Variants in CDK17 observed in about 807,000 individuals in gnomAD.
CDK17 encodes the protein cyclin dependent kinase 17, also known as cyclin-dependent kinase 17.
In CDK17, 24 loss-of-function variants were observed where a neutral mutation model predicts 77.6. The observed-to-expected ratio is 0.31, with a 90% CI of 0.22 to 0.44. The LOEUF (loss-of-function observed/expected upper bound fraction) is 0.44. Ranked by LOEUF, CDK17 falls within the 20% of genes least tolerant of loss-of-function variation. CDK17 has a pLI of 1.00. For missense variants in CDK17, 429 were observed against 622.5 expected (o/e 0.69, Z 3.31); for synonymous variants, 203 against 210.4 (o/e 0.96, Z 0.30).
chr12:96,361,337 A>C (rs1475947848), intron 1 of CDK17, among the ~76,000 whole-genome samples: 1 of 152,228 alleles, frequency 6.6e-6, no homozygotes, highest in African/African-American at 2.4e-5. Context: ...AAAAAGGAGA[A>C]AAGTCCTTTG....
chr12:96,391,466 T>TA (rs1555208288), intron 1 of CDK17, among the ~76,000 whole-genome samples: 2 of 143,448 alleles, frequency 1.4e-5, no homozygotes, highest in Admixed American at 1.4e-4. Context: ...ATTTTTTGTA[T>TA]TTTTAGTAGA....
At position 96,308,229 on chromosome 12, in the gene CDK17, T is replaced by TAAAAAAAAAAAAAAAA. The variant is rs61572243; in HGVS notation, c.543+2807_543+2822dup. ...GGGCAACACAGTGAGATGCCATCTC[T>TAAAAAAAAAAAAAAAA]AAAAAAAAAAAAAAAAAAAAAAAGT... On this transcript the variant is annotated intron_variant, in intron 5 of 16. Transcript: ENST00000261211. 6.9e-4 allele frequency among the ~76,000 whole-genome samples: 44 copies of TAAAAAAAAAAAAAAAA among 63,748 alleles called. 1 individual carries two copies. Among genetic ancestry groups the TAAAAAAAAAAAAAAAA allele is most frequent in the African/African-American group, 1.1e-3 (19 of 17,296 alleles). 41.8% of individuals were successfully genotyped at this position (63,748 alleles called of 152,430 possible).
intron 1 of CDK17, among the ~76,000 whole-genome samples, chr12:96,351,379 A>G (rs1953311374): frequency 6.6e-6 from 1 of 152,164 alleles, no homozygotes; most frequent in East Asian, 1.9e-4. Flanking sequence ...TGTTAATGGC[A>G]GCATTATTCA....
Position 96,300,187 on chromosome 12 carries a change from A to C in CDK17, c.600+117T>G, listed in dbSNP as rs12230179. On this transcript the variant is annotated intron_variant, in intron 6 of 16. Coordinates refer to ENST00000261211, the MANE Select transcript of CDK17 (RefSeq NM_002595.5). ...TGTTACCTTTCCAGAACAAGTATATAATCTTGTAGACATCAGTACTTACGT... is the reference window on the plus strand; with the variant it reads ...TGTTACCTTTCCAGAACAAGTATATCATCTTGTAGACATCAGTACTTACGT... 4 of 708,358 alleles carry C rather than the reference A, an allele frequency of 5.6e-6. No homozygotes were observed. In the Admixed American group the frequency reaches 7.9e-5, roughly 14 times the overall value. The allele number at this position is 708,358 out of a possible 1,614,324, so 43.9% of individuals were successfully genotyped here. A position where few individuals can be genotyped will look rare whatever the true frequency, so the allele number is the denominator to read the frequency against.
At chr12:96,290,140 C>G (rs1952305235) in intron 10 of CDK17, among the ~76,000 whole-genome samples, 1 of 152,206 alleles carries the variant, frequency 6.6e-6, no homozygotes, top group Non-Finnish European at 1.5e-5. Flanking sequence ...ATGGGTTGGA[C>G]AAGCTTGCTG....
intron 15 of CDK17, 102 bp downstream of exon 15, chr12:96,282,407 A>C (rs1463941142): frequency 2.8e-6 from 2 of 721,728 alleles, no homozygotes; most frequent in Non-Finnish European, 4.9e-6. Flanking sequence ...GAAGACTAGA[A>C]TCTTAGGCTT....
intron 10 of CDK17, among the ~76,000 whole-genome samples, chr12:96,291,480 C>G (rs1952323851): frequency 6.6e-6 from 1 of 152,020 alleles, no homozygotes; most frequent in Non-Finnish European, 1.5e-5. Context: ...TTTATAGAGG[C>G]AGGTTTTTGC....
intron 1 of CDK17, among the ~76,000 whole-genome samples, chr12:96,371,312 A>C (rs371009668): frequency 1.3e-5 from 2 of 152,214 alleles, no homozygotes; most frequent in African/African-American, 4.8e-5. Context: ...ACTTCACCAC[A>C]TGGTGACATA....
intron 2 of CDK17, among the ~76,000 whole-genome samples, chr12:96,330,891 G>A (rs1592732929): frequency 6.6e-6 from 1 of 152,164 alleles, no homozygotes; most frequent in Non-Finnish European, 1.5e-5. Context: ...GGGTCATATA[G>A]TAAGTCTATG....
At chr12:96,298,798 C>A (rs1286007887) in intron 7 of CDK17, 71 bp downstream of exon 7, 2 of 833,156 alleles carry the variant, frequency 2.4e-6, no homozygotes, top group Non-Finnish European at 3.8e-6. Flanking sequence ...TATCTGAGCT[C>A]TTTTTACTTA....
At chr12:96,369,883 A>G (rs1953663213) in intron 1 of CDK17, among the ~76,000 whole-genome samples, 1 of 152,234 alleles carries the variant, frequency 6.6e-6, no homozygotes, top group African/African-American at 2.4e-5. Flanking sequence ...GTTCAAGACC[A>G]GCCTGACCAA....
chr12:96,332,172 TA>T (rs1374131901), intron 2 of CDK17, among the ~76,000 whole-genome samples: 1 of 152,198 alleles, frequency 6.6e-6, no homozygotes, highest in African/African-American at 2.4e-5. Context: ...AGCCTATAAG[TA>T]ACAGGTTGTA....
At chr12:96,361,465 A>G (rs556705329) in intron 1 of CDK17, among the ~76,000 whole-genome samples, 1 of 152,366 alleles carries the variant, frequency 6.6e-6, no homozygotes, top group South Asian at 2.1e-4. Flanking sequence ...CTCGCAAAGC[A>G]GTTTCAATGG....
intron 7 of CDK17, 108 bp from the exon 8 acceptor site, chr12:96,297,829 G>C (rs1216722979): frequency 1.5e-5 from 9 of 616,946 alleles, no homozygotes; most frequent in Admixed American, 3.0e-5. Flanking sequence ...TTTAGGTCTT[G>C]GGCGGTGGCT....
intron 1 of CDK17, among the ~76,000 whole-genome samples, chr12:96,393,354 C>CAAA (rs10633197): frequency 0.24 from 10,237 of 43,356 alleles, 1,876 homozygotes; most frequent in East Asian, 0.41. Flanking sequence ...GGCTCCGCCT[C>CAAA]AAAAAAAAAA....
At chr12:96,395,113 A>G (rs996980032) in intron 1 of CDK17, among the ~76,000 whole-genome samples, 3 of 152,168 alleles carry the variant, frequency 2.0e-5, no homozygotes, top group Admixed American at 6.5e-5. Context: ...TGACCTTGTG[A>G]TCTGCCCGGC....
intron 1 of CDK17, among the ~76,000 whole-genome samples, chr12:96,398,440 T>C (rs780130848): frequency 9.9e-5 from 15 of 152,246 alleles, no homozygotes; most frequent in Non-Finnish European, 1.9e-4. Flanking sequence ...AGCAAATTTT[T>C]TCCCCTTAAA....
chr12:96,394,281 C>T lies in CDK17; in HGVS notation c.-30+5705G>A, dbSNP rs543111031. The stretch of plus-strand genomic sequence containing the variant: ...AAAATTTCTCACAAGTATTTACCAA[C>T]GTTGTTTACATTATTGAATATTAAC... On this transcript the variant is annotated intron_variant, in intron 1 of 16. Transcript: ENST00000261211. Among the ~76,000 whole-genome samples the T allele has an allele frequency of 2.6e-5, 4 of 151,846 alleles. No individual in the cohort carries two copies. In the South Asian group the frequency reaches 6.2e-4, roughly 24 times the overall value.
intron 3 of CDK17, among the ~76,000 whole-genome samples, chr12:96,321,859 A>T (rs1332650383): frequency 5.0e-5 from 7 of 138,944 alleles, no homozygotes; most frequent in Admixed American, 1.4e-4. Flanking sequence ...ACCTAAGGCT[A>T]GATGACGAGT....
Sources: allele counts gnomAD v4.1 joint callset (sites outside exome capture counted in the v4.1 genomes callset), GRCh38; gene constraint gnomAD v4.1.1; transcripts MANE v1.5; gene names NCBI Gene and HGNC (gene_info 2026-07-23, HGNC 2026-07-21).